Variants in CPPED1 observed in about 807,000 individuals in gnomAD.
CPPED1 encodes the protein calcineurin like phosphoesterase domain containing 1.
CPPED1 carries 28 observed loss-of-function variants against 28.0 expected under a neutral mutation model. The observed-to-expected ratio is 1.00, with a 90% confidence interval of 0.74 to 1.37. CPPED1 has a LOEUF of 1.37. CPPED1 is among the 40% of genes most tolerant of loss of function. The pLI, the probability that CPPED1 is intolerant of heterozygous loss-of-function variation, is 0.00. For synonymous variants in CPPED1, 198 were observed against 180.2 expected (o/e 1.10, Z -0.79); for missense variants, 504 against 416.5 (o/e 1.21, Z -1.83).
intron 3 of CPPED1, among the ~76,000 whole-genome samples, chr16:12,678,938 T>C (rs2141170988): frequency 6.6e-6 from 1 of 152,374 alleles, no homozygotes; most frequent in South Asian, 2.1e-4. Context: ...GTGAAAATAC[T>C]CTTTTTCTTG....
intron 3 of CPPED1, 146 bp downstream of exon 3, chr16:12,704,478 T>A: frequency 5.2e-6 from 4 of 764,490 alleles, no homozygotes; most frequent in Non-Finnish European, 6.3e-6. Context: ...AGACATGCAG[T>A]CTGCAAGTCC....
At chr16:12,777,761 C>T (rs2080505657) in intron 2 of CPPED1, among the ~76,000 whole-genome samples, 1 of 152,020 alleles carries the variant, frequency 6.6e-6, no homozygotes, top group African/African-American at 2.4e-5. Flanking sequence ...AATATTACAT[C>T]CATAGCATCT....
At chr16:12,666,688 T>A (rs1375614629) in intron 3 of CPPED1, among the ~76,000 whole-genome samples, 1 of 152,132 alleles carries the variant, frequency 6.6e-6, no homozygotes, top group Non-Finnish European at 1.5e-5. Flanking sequence ...GTTTCTACCA[T>A]AGAGATACAA....
rs756204543 is a variant in CPPED1 at position 12,781,221 on chromosome 16, A to C, written c.253T>G (p.Phe85Val). The C allele has an allele frequency of 3.1e-6, 5 of 1,613,948 alleles. No homozygotes were observed. Among genetic ancestry groups the C allele is most frequent in the Non-Finnish European group, 4.2e-6 (5 of 1,180,006 alleles). The change falls in exon 2 of 4, where the codon TTC becomes GTC. Residue 85 changes from phenylalanine (F) to valine (V), a missense_variant. By Grantham distance (50) the Phe-to-Val change is conservative. Coordinates refer to ENST00000381774, the MANE Select transcript of CPPED1 (RefSeq NM_018340.3). ...TGGATGAGGTCGCCGCACAGAACGA[A>C]GAATTTGGGTTTGGGGTTCAGCTTG... ...INKLNPKPKF[F>V]VLCGDLIHAM... is the part of the protein sequence containing the mutation.
rs776306802 is a variant in CPPED1, at chr16:12,704,809, A to G, written c.530T>C (p.Leu177Pro). The change falls in exon 3 of 4, where the codon CTG (leucine) becomes CCG (proline). Residue 177 changes from leucine to proline, a missense_variant. Physicochemically the swap from Leu to Pro is moderately conservative, Grantham distance 98 (BLOSUM62 -3). Transcript: ENST00000381774. ...FYENPSKCPSLKQAQDQWLDE... is the reference protein window; with the variant it reads ...FYENPSKCPSPKQAQDQWLDE... ...CAGCCACTGGTCCTGAGCCTGCTTC[A>G]GGCTGGGGCATTTGGAGGGGTTCTC... 32 of 1,614,190 alleles carry G rather than the reference A, an allele frequency of 2.0e-5. 1 individual carries two copies. In the South Asian group the frequency reaches 3.5e-4, roughly 18 times the overall value.
chr16:12,738,077 T>G (rs1377109199), intron 2 of CPPED1, among the ~76,000 whole-genome samples: 1 of 152,158 alleles, frequency 6.6e-6, no homozygotes, highest in African/African-American at 2.4e-5. Context: ...TTATTCTTTC[T>G]TTAGAAAATG....
Position 12,796,286 on chromosome 16 carries a change from G to T in CPPED1, c.70+7421C>A, listed in dbSNP as rs573643071. Among the ~76,000 whole-genome samples, 51 of 151,994 alleles carry T rather than the reference G, an allele frequency of 3.4e-4. No homozygotes were observed. The South Asian group carries it at 5.8e-3, about 17-fold the overall frequency. On this transcript the variant is annotated intron_variant, in intron 1 of 3. Coordinates refer to ENST00000381774, the MANE Select transcript of CPPED1 (RefSeq NM_018340.3). ...AGGCAAGTGGATTACCTGAGGTCAG[G>T]AGTTCCAGACCAGCCTGGCCAACAC...
intron 2 of CPPED1, among the ~76,000 whole-genome samples, chr16:12,726,979 A>C (rs2141202298): frequency 6.6e-6 from 1 of 152,248 alleles, no homozygotes; most frequent in South Asian, 2.1e-4. Flanking sequence ...CATGAGGCTT[A>C]TGCCAGAGCT....
At chr16:12,731,062 C>G (rs1947021844) in intron 2 of CPPED1, among the ~76,000 whole-genome samples, 1 of 151,790 alleles carries the variant, frequency 6.6e-6, no homozygotes, top group Non-Finnish European at 1.5e-5. Flanking sequence ...GGTCCCAGCA[C>G]TTTGGAAGGC....
At chr16:12,694,754 G>A (rs1237182200) in intron 3 of CPPED1, among the ~76,000 whole-genome samples, 1 of 144,920 alleles carries the variant, frequency 6.9e-6, no homozygotes, top group Non-Finnish European at 1.5e-5. Context: ...GGGGGCATGA[G>A]TGTGAGATAG....
rs550316592 is a variant in CPPED1, at chr16:12,660,634, A to T, written c.*4252T>A. The T allele has an allele frequency of 2.0e-5, 3 of 152,252 alleles. No homozygotes were observed. The South Asian group carries it at 6.2e-4, about 32-fold the overall frequency. The allele number at this position is 152,252 out of a possible 1,614,324, so 9.4% of individuals were successfully genotyped here. On this transcript the variant is annotated 3_prime_UTR_variant, in exon 4 of 4. Transcript: ENST00000381774. ...TGTCAAGTACTATGTTACATGTGCAATCAAAACTGTTGAGGTTACCTGAAT... is the reference window on the plus strand; with the variant it reads ...TGTCAAGTACTATGTTACATGTGCATTCAAAACTGTTGAGGTTACCTGAAT...
At chr16:12,755,759 C>A (rs759221286) in intron 2 of CPPED1, among the ~76,000 whole-genome samples, 1 of 152,174 alleles carries the variant, frequency 6.6e-6, no homozygotes, top group Non-Finnish European at 1.5e-5. Flanking sequence ...GGGACAGCGT[C>A]ATGTGAAATC....
rs768243203 is a variant in CPPED1 at position 12,803,691 on chromosome 16, G to A, written c.70+16C>T. Reference sequence around the variant, plus strand: ...CAGCCCCAGAGTCCCCTCCCCGGGTGAGGGGCGGGCAGTACCTGCGGGAAA... The same window carrying A: ...CAGCCCCAGAGTCCCCTCCCCGGGTAAGGGGCGGGCAGTACCTGCGGGAAA... On this transcript the variant is annotated intron_variant, in intron 1 of 3. Coordinates refer to ENST00000381774, the MANE Select transcript of CPPED1 (RefSeq NM_018340.3). 15 of 1,540,986 alleles carry A rather than the reference G, an allele frequency of 9.7e-6. No homozygotes were observed. The highest frequency in any genetic ancestry group is 8.7e-6 in the Non-Finnish European group (10 of 1,144,130).
At chr16:12,671,532 C>T (rs1487952880) in intron 3 of CPPED1, among the ~76,000 whole-genome samples, 2 of 152,156 alleles carry the variant, frequency 1.3e-5, no homozygotes, top group Non-Finnish European at 2.9e-5. Flanking sequence ...GGGACTATAG[C>T]TACCTGTGCT....
At chr16:12,782,641 C>T (rs949636144) in intron 1 of CPPED1, among the ~76,000 whole-genome samples, 1 of 151,022 alleles carries the variant, frequency 6.6e-6, no homozygotes, top group Non-Finnish European at 1.5e-5. Flanking sequence ...GGACGAATCA[C>T]CTGAGGTCAA....
intron 2 of CPPED1, among the ~76,000 whole-genome samples, chr16:12,770,626 C>T (rs1362787104): frequency 6.6e-6 from 1 of 152,016 alleles, no homozygotes; most frequent in African/African-American, 2.4e-5. Flanking sequence ...AGTTTGAGAC[C>T]AGCCTGGCCA....
At chr16:12,778,769 T>A (rs2080512902) in intron 2 of CPPED1, among the ~76,000 whole-genome samples, 1 of 152,224 alleles carries the variant, frequency 6.6e-6, no homozygotes, top group South Asian at 2.1e-4. Context: ...TAACTAGTTT[T>A]AAAATGCTCT....
intron 2 of CPPED1, among the ~76,000 whole-genome samples, chr16:12,721,196 A>T (rs1330916514): frequency 2.6e-5 from 4 of 152,100 alleles, no homozygotes; most frequent in Non-Finnish European, 5.9e-5. Flanking sequence ...CTTCACTGAA[A>T]GTCCATCTCA....
intron 2 of CPPED1, among the ~76,000 whole-genome samples, chr16:12,770,478 A>C (rs531385075): frequency 6.6e-6 from 1 of 152,322 alleles, no homozygotes; most frequent in Non-Finnish European, 1.5e-5. Flanking sequence ...TGGAAGGAGA[A>C]AAAGTAAATC....
Sources: gnomAD v4.1 joint callset for allele counts (sites outside exome capture counted in the v4.1 genomes callset) on GRCh38, gnomAD v4.1.1 for gene constraint, MANE v1.5 for transcripts, NCBI Gene and HGNC (gene_info 2026-07-23, HGNC 2026-07-21) for gene names.